The following FAM210A variants were observed in gnomAD, a reference collection of about 807,000 sequenced individuals.
The protein encoded by FAM210A is mitochondrial inner membrane scaffold 1, also known as family with sequence similarity 210 member A.
FAM210A carries 13 observed loss-of-function variants against 25.3 expected under a neutral mutation model. The observed-to-expected ratio is 0.51, with a 90% confidence interval of 0.33 to 0.82. FAM210A has a LOEUF of 0.82. Ranked by LOEUF, FAM210A falls within the 40% of genes least tolerant of loss-of-function variation. The pLI is 0.02. For synonymous variants in FAM210A, 125 were observed against 118.7 expected, an observed-to-expected ratio of 1.05 and a Z score of -0.35; for missense variants, 319 against 323.2, an observed-to-expected ratio of 0.99 and a Z score of 0.10.
intron 1 of FAM210A, among the ~76,000 whole-genome samples, chr18:13,684,947 A>G (rs1034793578): frequency 1.3e-5 from 2 of 152,128 alleles, no homozygotes; most frequent in Non-Finnish European, 2.9e-5. Flanking sequence ...TTTAAACAAC[A>G]TACTTCTAAA....
Position 13,705,413 on chromosome 18 carries a change from G to A in FAM210A, c.-29+20916C>T, listed in dbSNP as rs1259384591. Among the ~76,000 whole-genome samples the A allele has an allele frequency of 7.9e-5, 12 of 152,108 alleles. 1 individual carries two copies. Among genetic ancestry groups the A allele is most frequent in the Non-Finnish European group, 1.5e-5 (1 of 68,014 alleles). ...GTTATGCTTTCCATGACTCATCACG[G>A]AAAATATAAAATAATTCAAATTAAA... On this transcript the variant is annotated intron_variant, in intron 1 of 3. Transcript: ENST00000651643.
chr18:13,725,794 A>C (rs527520526), intron 1 of FAM210A, among the ~76,000 whole-genome samples: 1 of 152,218 alleles, frequency 6.6e-6, no homozygotes, highest in Non-Finnish European at 1.5e-5. Context: ...TCTCCCCCAA[A>C]CCACACCATG....
intron 2 of FAM210A, among the ~76,000 whole-genome samples, chr18:13,681,367 T>C (rs541549773): frequency 1.3e-5 from 2 of 152,352 alleles, no homozygotes; most frequent in East Asian, 1.9e-4. Flanking sequence ...ACTGTGTAAC[T>C]TGCTTTATAT....
intron 1 of FAM210A, among the ~76,000 whole-genome samples, chr18:13,701,120 G>A (rs1404746138): frequency 6.6e-6 from 1 of 150,872 alleles, no homozygotes; most frequent in African/African-American, 2.4e-5. Flanking sequence ...ATCTGAAATA[G>A]AGCTTCTAAT....
At chr18:13,711,170 G>C (rs962342154) in intron 1 of FAM210A, among the ~76,000 whole-genome samples, 1 of 152,104 alleles carries the variant, frequency 6.6e-6, no homozygotes, top group Non-Finnish European at 1.5e-5. Context: ...TCAGGAGTTC[G>C]AGACCAGTCT....
intron 1 of FAM210A, among the ~76,000 whole-genome samples, chr18:13,696,307 A>C (rs1476520444): frequency 1.3e-5 from 2 of 152,254 alleles, no homozygotes; most frequent in African/African-American, 4.8e-5. Flanking sequence ...GACATTCATT[A>C]GCAGACTCAC....
chr18:13,674,213 C>A (rs62084817), intron 2 of FAM210A, among the ~76,000 whole-genome samples: 85,239 of 100,076 alleles, frequency 0.85, 36,341 homozygotes, highest in East Asian at 0.92. Flanking sequence ...TGATTATTAA[C>A]ATTCCTGAGC....
At chr18:13,699,404 G>A (rs901577989) in intron 1 of FAM210A, among the ~76,000 whole-genome samples, 2 of 151,968 alleles carry the variant, frequency 1.3e-5, no homozygotes, top group African/African-American at 4.8e-5. Flanking sequence ...CCCCCCTAGT[G>A]AATTCCTATG....
intron 2 of FAM210A, among the ~76,000 whole-genome samples, chr18:13,677,341 T>C (rs1356446577): frequency 6.6e-6 from 1 of 152,202 alleles, no homozygotes. Context: ...CCCAAAGTGC[T>C]GGGATTACAG....
intron 1 of FAM210A, among the ~76,000 whole-genome samples, chr18:13,721,107 C>T (rs2043894803): frequency 6.6e-6 from 1 of 152,110 alleles, no homozygotes; most frequent in Non-Finnish European, 1.5e-5. Context: ...GAATCCAATA[C>T]ATAAATTTTT....
chr18:13,707,668 T>C (rs2043789458), intron 1 of FAM210A, among the ~76,000 whole-genome samples: 1 of 152,230 alleles, frequency 6.6e-6, no homozygotes, highest in Admixed American at 6.5e-5. Context: ...ACTTCTACAT[T>C]TGAGTCCTTG....
chr18:13,721,679 T>C (rs1465006826), intron 1 of FAM210A, among the ~76,000 whole-genome samples: 1 of 152,140 alleles, frequency 6.6e-6, no homozygotes, highest in Non-Finnish European at 1.5e-5. Flanking sequence ...TTATGCATCC[T>C]GGAACTGGCA....
intron 1 of FAM210A, among the ~76,000 whole-genome samples, chr18:13,698,908 C>T (rs1371815851): frequency 6.6e-6 from 1 of 152,184 alleles, no homozygotes; most frequent in Admixed American, 6.5e-5. Flanking sequence ...CAGGTTTATG[C>T]TGGACATAAA....
intron 1 of FAM210A, among the ~76,000 whole-genome samples, chr18:13,688,354 A>G (rs1374355173): frequency 6.6e-6 from 1 of 152,212 alleles, no homozygotes; most frequent in African/African-American, 2.4e-5. Flanking sequence ...ACAAAGACTC[A>G]GACTCAGCTG....
Position 13,681,930 on chromosome 18 carries a change from C to T in FAM210A, c.148G>A (p.Gly50Ser), listed in dbSNP as rs757273055. Reference sequence around the variant, plus strand: ...AAATGCAACCATTGTTTTTGAGGGCCTTGTACCAAAACCACTTTGGATTCA... The same window carrying T: ...AAATGCAACCATTGTTTTTGAGGGCTTTGTACCAAAACCACTTTGGATTCA... ...NAESKVVLVQ[G>S]PQKQWLHLSA... is the part of the protein sequence containing the mutation. Residue 50 changes from glycine to serine, a missense_variant, in exon 2 of 4, where the codon GGC (glycine) becomes AGC (serine). Coordinates refer to ENST00000651643, the MANE Select transcript of FAM210A (RefSeq NM_152352.4). The T allele has an allele frequency of 1.7e-5, 28 of 1,614,026 alleles. No individual in the cohort carries two copies. The highest frequency in any genetic ancestry group is 2.3e-5 in the Non-Finnish European group (27 of 1,180,044).
At position 13,664,797 on chromosome 18, in the gene FAM210A, T is replaced by A. The variant is rs1250345321; in HGVS notation, c.*1683A>T. 3 of 152,230 alleles carry A rather than the reference T, an allele frequency of 2.0e-5. No individual in the cohort carries two copies. The highest frequency in any genetic ancestry group is 4.8e-5 in the African/African-American group (2 of 41,458). The allele number at this position is 152,230 out of a possible 1,614,324, so 9.4% of individuals were successfully genotyped here. ...CTCTAAATTTGGCCAAACTAAGTAC[T>A]TGATATAAAAATCCTGGCAAAGAGC... On this transcript the variant is annotated 3_prime_UTR_variant, in exon 4 of 4. Coordinates refer to ENST00000651643, the MANE Select transcript of FAM210A (RefSeq NM_152352.4).
intron 1 of FAM210A, among the ~76,000 whole-genome samples, chr18:13,698,969 A>G (rs897501864): frequency 6.6e-6 from 1 of 151,750 alleles, no homozygotes; most frequent in Non-Finnish European, 1.5e-5. Context: ...TGTGTCTTTA[A>G]CTCTCGTCTT....
chr18:13,700,971 C>T (rs1265909038), intron 1 of FAM210A, among the ~76,000 whole-genome samples: 3 of 152,184 alleles, frequency 2.0e-5, no homozygotes, highest in Admixed American at 2.0e-4. Flanking sequence ...ATAAATCTCC[C>T]ACCACGTGGC....
In FAM210A at chr18:13,671,978, A is replaced by C. The variant is rs2043447073; in HGVS notation, c.474-5T>G. ...AAAGGAACGACATTCACTCCTCTAC[A>C]AAAAAAAAAAAGTAATTTTCATATG... On this transcript the variant is annotated splice_region_variant and splice_polypyrimidine_tract_variant and intron_variant, in intron 2 of 3. Coordinates refer to ENST00000651643, the MANE Select transcript of FAM210A (RefSeq NM_152352.4). The C allele has an allele frequency of 1.8e-6, 1 of 563,066 alleles. No individual in the cohort carries two copies. Among genetic ancestry groups the C allele is most frequent in the Non-Finnish European group, 2.5e-6 (1 of 399,826 alleles). The allele number at this position is 563,066 out of a possible 1,614,324, so 34.9% of individuals were successfully genotyped here. A position where few individuals can be genotyped will look rare whatever the true frequency, so the allele number is the denominator to read the frequency against.
Sources: allele counts gnomAD v4.1 joint callset (sites outside exome capture counted in the v4.1 genomes callset), GRCh38; gene constraint gnomAD v4.1.1; transcripts MANE v1.5; gene names NCBI Gene and HGNC (gene_info 2026-07-23, HGNC 2026-07-21).